DPP10: variants seen among roughly 807,000 people sequenced by gnomAD.
The protein encoded by DPP10 is inactive dipeptidyl peptidase 10.
A neutral mutation model predicts 120.9 loss-of-function variants in DPP10; 33 were observed. That is an observed-to-expected ratio of 0.27 (90% CI 0.21 to 0.37). DPP10 has a LOEUF of 0.37. Among genes scored for constraint, DPP10 ranks in the 10% least tolerant of loss-of-function variants. The pLI is 1.00. For missense variants in DPP10, 816 were observed against 942.8 expected (o/e 0.87, Z 1.76); for synonymous variants, 337 against 326.1 (o/e 1.03, Z -0.36).
intron 5 of DPP10, among the ~76,000 whole-genome samples, chr2:115,530,105 T>C (rs1248608671): frequency 6.6e-6 from 1 of 152,086 alleles, no homozygotes; most frequent in Non-Finnish European, 1.5e-5. Context: ...ACAAAATAAC[T>C]GGAGGTGAAA....
chr2:114,469,657 G>A (rs2104608120), intron 1 of DPP10, among the ~76,000 whole-genome samples: 1 of 152,278 alleles, frequency 6.6e-6, no homozygotes, highest in Admixed American at 6.5e-5. Flanking sequence ...GAACCCAGGA[G>A]GCCAAGGTTG....
intron 1 of DPP10, among the ~76,000 whole-genome samples, chr2:115,140,346 G>GTT (rs2050861928): frequency 6.6e-6 from 1 of 152,128 alleles, no homozygotes; most frequent in Admixed American, 6.5e-5. Flanking sequence ...GACCAGCAAG[G>GTT]CAGGCAGCAA....
intron 1 of DPP10, among the ~76,000 whole-genome samples, chr2:114,824,349 A>G (rs1686349715): frequency 6.6e-6 from 1 of 152,180 alleles, no homozygotes; most frequent in African/African-American, 2.4e-5. Context: ...TGTGCCTTTG[A>G]AATATTGAGA....
intron 10 of DPP10, among the ~76,000 whole-genome samples, chr2:115,748,010 A>AT (rs968969896): frequency 1.6e-4 from 25 of 151,784 alleles, no homozygotes; most frequent in African/African-American, 2.4e-4. Context: ...CCTGACCTTG[A>AT]TTTTTTTTAC....
intron 1 of DPP10, among the ~76,000 whole-genome samples, chr2:114,743,503 G>A (rs1385990102): frequency 6.6e-6 from 1 of 151,160 alleles, no homozygotes; most frequent in Admixed American, 6.6e-5. Flanking sequence ...AGAAATCACA[G>A]ATACAATTAT....
In DPP10 at chr2:115,000,700, G is replaced by A. The variant is rs138303291; in HGVS notation, c.61-308539G>A. 3.1e-3 allele frequency among the ~76,000 whole-genome samples: 468 copies of A among 152,112 alleles called. 2 individuals are homozygous for A. The highest frequency in any genetic ancestry group is 0.011 in the African/African-American group (436 of 41,488). On this transcript the variant is annotated intron_variant, in intron 1 of 25. Transcript: ENST00000410059. ...TAATAGTTCTTAAACATACAATAGC[G>A]CTATAAAACAGTATCTTTGGTGGGT...
chr2:115,221,802 G>T (rs1280014119), intron 1 of DPP10, among the ~76,000 whole-genome samples: 1 of 135,620 alleles, frequency 7.4e-6, no homozygotes, highest in Non-Finnish European at 1.5e-5. Context: ...AGAAAACCAT[G>T]GTCTATAAGA....
chr2:115,544,502 G>T (rs1248327177), intron 5 of DPP10, among the ~76,000 whole-genome samples: 1 of 152,044 alleles, frequency 6.6e-6, no homozygotes, highest in African/African-American at 2.4e-5. Flanking sequence ...CCTGGTCAAG[G>T]TTTTAAACCT....
chr2:115,564,409 T>A (rs2080875724), intron 5 of DPP10, among the ~76,000 whole-genome samples: 1 of 152,184 alleles, frequency 6.6e-6, no homozygotes. Flanking sequence ...CATTTGGAAG[T>A]CTATTTTTCA....
chr2:114,948,718 A>C (rs997773343), intron 1 of DPP10, among the ~76,000 whole-genome samples: 1 of 152,004 alleles, frequency 6.6e-6, no homozygotes, highest in Non-Finnish European at 1.5e-5. Flanking sequence ...GAGGAAGGAG[A>C]GAGTATATTA....
intron 1 of DPP10, among the ~76,000 whole-genome samples, chr2:114,620,847 A>G (rs563670932): frequency 1.4e-4 from 22 of 152,218 alleles, no homozygotes; most frequent in Non-Finnish European, 2.5e-4. Context: ...TTCTTATCCT[A>G]AGATATCTGT....
At chr2:115,329,377 A>C (rs749330548) in intron 2 of DPP10, among the ~76,000 whole-genome samples, 4 of 152,036 alleles carry the variant, frequency 2.6e-5, no homozygotes, top group Admixed American at 6.6e-5. Flanking sequence ...TAAATTAAGG[A>C]GTATGTATTA....
intron 3 of DPP10, among the ~76,000 whole-genome samples, chr2:115,478,140 T>G (rs2075206499): frequency 1.3e-5 from 2 of 152,010 alleles, no homozygotes; most frequent in African/African-American, 4.8e-5. Context: ...CCTCCAACAC[T>G]GGGGATTGCA....
chr2:115,348,389 T>C (rs900461027), intron 3 of DPP10, among the ~76,000 whole-genome samples: 1 of 152,306 alleles, frequency 6.6e-6, no homozygotes, highest in East Asian at 1.9e-4. Flanking sequence ...TATCACATTG[T>C]CTATTGTGTA....
At chr2:115,669,708 T>C (rs1401742809) in intron 5 of DPP10, among the ~76,000 whole-genome samples, 1 of 152,122 alleles carries the variant, frequency 6.6e-6, no homozygotes, top group East Asian at 1.9e-4. Context: ...GTTCCAGATT[T>C]GTTATCAAAC....
At chr2:114,964,914 G>C (rs1165723985) in intron 1 of DPP10, among the ~76,000 whole-genome samples, 1 of 152,226 alleles carries the variant, frequency 6.6e-6, no homozygotes, top group Non-Finnish European at 1.5e-5. Flanking sequence ...GTGGAAAAGA[G>C]TGGTAGCAGT....
intron 1 of DPP10, among the ~76,000 whole-genome samples, chr2:115,258,617 G>A (rs1041608405): frequency 3.3e-5 from 5 of 152,096 alleles, no homozygotes; most frequent in South Asian, 2.1e-4. Context: ...AGCAGATTGC[G>A]CACTTCAGGT....
At chr2:115,228,155 C>T (rs1050481600) in intron 1 of DPP10, among the ~76,000 whole-genome samples, 1 of 151,900 alleles carries the variant, frequency 6.6e-6, no homozygotes, top group Non-Finnish European at 1.5e-5. Flanking sequence ...GCAAAATTGA[C>T]AGACTGGTGT....
intron 1 of DPP10, among the ~76,000 whole-genome samples, chr2:114,496,244 C>A (rs1391428913): frequency 1.3e-5 from 2 of 151,990 alleles, no homozygotes; most frequent in Non-Finnish European, 2.9e-5. Flanking sequence ...GAAGTCCAGA[C>A]CTTTGGATGG....
Sources: gnomAD v4.1 joint callset for allele counts (sites outside exome capture counted in the v4.1 genomes callset) on GRCh38, gnomAD v4.1.1 for gene constraint, MANE v1.5 for transcripts, NCBI Gene and HGNC (gene_info 2026-07-23, HGNC 2026-07-21) for gene names.